The following NEBL variants were observed in gnomAD, a reference collection of about 807,000 sequenced individuals.
The protein encoded by NEBL is LIM and SH3 protein 2.
A neutral mutation model predicts 140.2 loss-of-function variants in NEBL; 122 were observed. The observed-to-expected ratio is 0.87, with a 90% confidence interval of 0.75 to 1.01. The LOEUF is 1.01. Among genes scored for constraint, NEBL ranks in the 50% least tolerant of loss-of-function variants. The pLI, the probability that NEBL is intolerant of heterozygous loss-of-function variation, is 0.00. For synonymous variants in NEBL, 436 were observed against 398.9 expected (o/e 1.09, Z -1.11); for missense variants, 1,365 against 1,231.3 (o/e 1.11, Z -1.62).
chr10:21,237,096 A>T (rs1842363795), intron 3 of NEBL, among the ~76,000 whole-genome samples: 1 of 152,010 alleles, frequency 6.6e-6, no homozygotes, highest in African/African-American at 2.4e-5. Context: ...ATCCCTCTCT[A>T]CTCTGCATCT....
In NEBL at chr10:20,819,512, T is replaced by C; in HGVS notation, c.1967A>G (p.Gln656Arg). ...GGCCTTGTAGTTTTGCTCTTTATAC[T>C]GGAGCTGAGAGACAAGGTGCAAGAC... The part of the protein sequence containing the change: ...KENQKNISNL[Q>R]YKEQNYKATP... The change falls in exon 20 of 28, where the codon CAG (glutamine) becomes CGG (arginine). Residue 656 changes from glutamine to arginine, a missense_variant. Physicochemically the swap from Gln to Arg is conservative, Grantham distance 43. Around this residue, in one of 2 missense-constraint regions of NEBL, gnomAD observed 1,323 missense variants for 1,154.8 expected, o/e 1.15. Coordinates refer to ENST00000377122, the MANE Select transcript of NEBL (RefSeq NM_006393.3). 5 of 1,614,016 alleles carry C rather than the reference T, an allele frequency of 3.1e-6. No homozygotes were observed. Among genetic ancestry groups the C allele is most frequent in the Non-Finnish European group, 4.2e-6 (5 of 1,179,908 alleles).
Position 20,809,189 on chromosome 10 carries a change from A to T in NEBL, c.2612-530T>A, listed in dbSNP as rs551139840. ...CAAGATCTAAATGACATAGCTATCT[A>T]TTGTTTAACATAACTGCATAACTGT... is the stretch of plus-strand genomic sequence containing the variant. On this transcript the variant is annotated intron_variant, in intron 25 of 27. Transcript: ENST00000377122. Among the ~76,000 whole-genome samples, 592 of 152,292 alleles carry T rather than the reference A, an allele frequency of 3.9e-3. 1 individual carries two copies. Among genetic ancestry groups the T allele is most frequent in the African/African-American group, 0.014 (568 of 41,570 alleles).
At position 20,897,153 on chromosome 10, in the gene NEBL, ATCTTT is replaced by A; in HGVS notation, c.48_52del (p.Glu16AspfsTer7). Reference sequence around the variant, plus strand: ...GTCTTCTTCATTTTCTTCTTCCCCTATCTTTTCTTCTTCAGTTTCATCTTTTATAT... The same window carrying A: ...GTCTTCTTCATTTTCTTCTTCCCCTATCTTCTTCAGTTTCATCTTTTATAT... On this transcript the variant is annotated frameshift_variant, in exon 1 of 28. Transcript: ENST00000377122. LOFTEE classifies it high-confidence loss of function. 1.2e-6 allele frequency: 2 copies of A among 1,605,414 alleles called. No homozygotes were observed. The highest frequency in any genetic ancestry group is 1.1e-5 in the South Asian group (1 of 90,850).
At chr10:21,208,020 G>A (rs1841856827) in intron 3 of NEBL, among the ~76,000 whole-genome samples, 1 of 152,182 alleles carries the variant, frequency 6.6e-6, no homozygotes, top group African/African-American at 2.4e-5. Context: ...CACTGAGACA[G>A]CAGAGTTTGC....
chr10:20,918,448 G>A (rs11012391), intron 4 of NEBL, among the ~76,000 whole-genome samples: 98,365 of 152,038 alleles, frequency 0.65, 32,170 homozygotes, highest in Admixed American at 0.73. Flanking sequence ...CTCATCAGTA[G>A]TAGTGAAATA....
intron 2 of NEBL, among the ~76,000 whole-genome samples, chr10:21,079,610 C>T (rs897035288): frequency 6.6e-6 from 1 of 152,138 alleles, no homozygotes; most frequent in African/African-American, 2.4e-5. Context: ...AACTTCTCAC[C>T]CAAATAGAAG....
At chr10:21,018,409 C>G (rs1051956624) in intron 3 of NEBL, among the ~76,000 whole-genome samples, 1 of 152,184 alleles carries the variant, frequency 6.6e-6, no homozygotes, top group African/African-American at 2.4e-5. Flanking sequence ...TCTGGTACCC[C>G]TGGGGGTGTG....
upstream of NEBL, among the ~76,000 whole-genome samples, chr10:21,178,305 A>G (rs949449172): frequency 6.6e-6 from 1 of 152,254 alleles, no homozygotes; most frequent in African/African-American, 2.4e-5. Flanking sequence ...GTTAGGCACC[A>G]GGAAATGCAT....
intron 3 of NEBL, among the ~76,000 whole-genome samples, chr10:21,227,499 A>G (rs1018789438): frequency 6.6e-6 from 1 of 152,242 alleles, no homozygotes; most frequent in African/African-American, 2.4e-5. Flanking sequence ...GTTTCCCGAT[A>G]AAAGGAAACA....
chr10:21,288,820 G>GTGTATATATA (rs1477748950), intron 1 of NEBL, among the ~76,000 whole-genome samples: 27 of 35,022 alleles, frequency 7.7e-4, no homozygotes, highest in African/African-American at 2.6e-3. Flanking sequence ...GTGTGTGTGT[G>GTGTATATATA]TATATATATA....
intron 1 of NEBL, among the ~76,000 whole-genome samples, chr10:21,269,187 C>T (rs1229272485): frequency 6.6e-6 from 1 of 152,128 alleles, no homozygotes; most frequent in Non-Finnish European, 1.5e-5. Flanking sequence ...GTGTCTTGGC[C>T]CTCTGGTACC....
intron 7 of NEBL, 46 bp downstream of exon 7, chr10:20,868,618 A>T: frequency 7.7e-7 from 1 of 1,300,696 alleles, no homozygotes; most frequent in Admixed American, 1.7e-5. Context: ...TGTTAGAAAC[A>T]AAATATCTGA....
chr10:20,984,015 G>C (rs1837155185), intron 3 of NEBL, among the ~76,000 whole-genome samples: 1 of 151,692 alleles, frequency 6.6e-6, no homozygotes, highest in South Asian at 2.1e-4. Context: ...ACATTAAACA[G>C]CTCACCCAAT....
intron 9 of NEBL, among the ~76,000 whole-genome samples, chr10:20,855,434 T>C (rs1282297290): frequency 6.6e-6 from 1 of 150,982 alleles, no homozygotes; most frequent in East Asian, 1.9e-4. Context: ...GAATATATAC[T>C]GAAAAATTCA....
intron 4 of NEBL, among the ~76,000 whole-genome samples, chr10:20,932,427 T>C (rs1291328839): frequency 6.9e-6 from 1 of 145,336 alleles, no homozygotes; most frequent in Non-Finnish European, 1.5e-5. Flanking sequence ...GGCTGGGGGG[T>C]GGGGGAGAAA....
intron 3 of NEBL, among the ~76,000 whole-genome samples, chr10:21,236,671 A>G (rs1021008533): frequency 6.6e-6 from 1 of 152,112 alleles, no homozygotes; most frequent in Non-Finnish European, 1.5e-5. Context: ...TGAAAAAATA[A>G]AATCTTTGAA....
chr10:20,939,385 G>A (rs1052888178), intron 4 of NEBL, among the ~76,000 whole-genome samples: 7 of 152,156 alleles, frequency 4.6e-5, no homozygotes, highest in Non-Finnish European at 1.0e-4. Context: ...AGCAAATGCT[G>A]AGAGATTTTG....
intron 4 of NEBL, among the ~76,000 whole-genome samples, chr10:20,916,007 T>A (rs895595346): frequency 2.0e-5 from 3 of 152,226 alleles, no homozygotes; most frequent in Admixed American, 1.3e-4. Flanking sequence ...CAGTAAGACA[T>A]AACAGACTGT....
At chr10:20,853,814 G>A (rs1329974704) in intron 9 of NEBL, among the ~76,000 whole-genome samples, 3 of 152,106 alleles carry the variant, frequency 2.0e-5, no homozygotes, top group Non-Finnish European at 4.4e-5. Context: ...TTAAGATCTA[G>A]TATTCAATGC....
Sources: allele counts gnomAD v4.1 joint callset (sites outside exome capture counted in the v4.1 genomes callset), GRCh38; gene constraint gnomAD v4.1.1; regional missense constraint gnomAD v4.1.1; transcripts MANE v1.5; gene names NCBI Gene and HGNC (gene_info 2026-07-23, HGNC 2026-07-21).